The following PHF24 variants were observed in gnomAD, a reference collection of about 807,000 sequenced individuals.
The protein encoded by PHF24 is PHD finger protein 24.
A neutral mutation model predicts 42.6 loss-of-function variants in PHF24; 25 were observed. That is an observed-to-expected ratio of 0.59 (90% CI 0.43 to 0.82). The LOEUF is 0.82. Among genes scored for constraint, PHF24 ranks in the 40% least tolerant of loss-of-function variants. The pLI is 0.00. For synonymous variants in PHF24, 185 were observed against 204.8 expected (o/e 0.90, Z 0.83); for missense variants, 470 against 538.1 (o/e 0.87, Z 1.25).
At chr9:34,914,831 G>C in the PHF24 span, among the ~76,000 whole-genome samples, 1 of 151,608 alleles carries the variant, frequency 6.6e-6, no homozygotes, top group Admixed American at 6.6e-5. Context: ...TGTCACCTAG[G>C]CTGAAGTGCA....
At chr9:34,947,338 T>C in the PHF24 span, among the ~76,000 whole-genome samples, 1 of 152,226 alleles carries the variant, frequency 6.6e-6, no homozygotes, top group African/African-American at 2.4e-5. Context: ...AGTGACACTA[T>C]AGCCACTGTA....
chr9:34,976,633 G>T (rs1455114923), exon 5 of PHF24: 1 of 1,614,042 alleles, frequency 6.2e-7, no homozygotes, highest in African/African-American at 1.3e-5. Flanking sequence ...AGAAGAGCAG[G>T]CGGCCCGCCA....
chr9:34,935,592 T>TA, the PHF24 span, among the ~76,000 whole-genome samples: 1 of 11,822 alleles, frequency 8.5e-5, no homozygotes. Context: ...AGACTTCATC[T>TA]GAAAAAAAAA....
the PHF24 span, among the ~76,000 whole-genome samples, chr9:34,798,084 C>A: frequency 1.3e-5 from 2 of 152,048 alleles, no homozygotes; most frequent in Non-Finnish European, 2.9e-5. Context: ...TGGGGGAGAT[C>A]TTTGAGGTGA....
chr9:34,735,351 G>A, the PHF24 span, among the ~76,000 whole-genome samples: 1 of 150,796 alleles, frequency 6.6e-6, no homozygotes, highest in African/African-American at 2.4e-5. Flanking sequence ...TGGCCAGGCA[G>A]GTCTTGAACT....
the PHF24 span, among the ~76,000 whole-genome samples, chr9:34,940,661 G>A: frequency 6.6e-6 from 1 of 152,160 alleles, no homozygotes; most frequent in Non-Finnish European, 1.5e-5. Context: ...TGCCACCAAG[G>A]TGTGACCCAG....
chr9:34,763,417 C>T, the PHF24 span, among the ~76,000 whole-genome samples: 1 of 152,168 alleles, frequency 6.6e-6, no homozygotes. Flanking sequence ...CTTCACATCC[C>T]TTGTAAGTTA....
At chr9:34,865,732 T>A in the PHF24 span, among the ~76,000 whole-genome samples, 1 of 152,068 alleles carries the variant, frequency 6.6e-6, no homozygotes, top group African/African-American at 2.4e-5. Context: ...CAGCCCAGGG[T>A]CTGTGGTTTC....
chr9:34,814,561 A>G, the PHF24 span, among the ~76,000 whole-genome samples: 1 of 152,142 alleles, frequency 6.6e-6, no homozygotes, highest in African/African-American at 2.4e-5. Context: ...TGCCAGTCTC[A>G]TGGGACTTAG....
At chr9:34,847,805 C>T in the PHF24 span, among the ~76,000 whole-genome samples, 1 of 152,046 alleles carries the variant, frequency 6.6e-6, no homozygotes, top group African/African-American at 2.4e-5. Flanking sequence ...GAGTTTTTAG[C>T]ATGAAGCGTT....
chr9:34,772,727 C>T, the PHF24 span, among the ~76,000 whole-genome samples: 1 of 152,112 alleles, frequency 6.6e-6, no homozygotes, highest in Non-Finnish European at 1.5e-5. Context: ...TTTCTTACGA[C>T]TGGAGTGGGA....
At chr9:34,824,819 G>A in the PHF24 span, among the ~76,000 whole-genome samples, 1 of 152,180 alleles carries the variant, frequency 6.6e-6, no homozygotes, top group African/African-American at 2.4e-5. Flanking sequence ...AGCTAGGGAA[G>A]GTAGGCATTA....
the PHF24 span, among the ~76,000 whole-genome samples, chr9:34,807,120 T>C: frequency 4.6e-5 from 7 of 152,224 alleles, no homozygotes; most frequent in Non-Finnish European, 8.8e-5. Flanking sequence ...GTTTTATTCC[T>C]GATCTTAGGG....
At chr9:34,973,440 A>C (rs150027361) in intron 3 of PHF24, among the ~76,000 whole-genome samples, 41 of 152,354 alleles carry the variant, frequency 2.7e-4, no homozygotes, top group African/African-American at 9.6e-4. Context: ...ATGCCTTCTA[A>C]CTTTTAATGA....
At chr9:34,711,109 A>T in the PHF24 span, among the ~76,000 whole-genome samples, 3 of 152,128 alleles carry the variant, frequency 2.0e-5, no homozygotes, top group Admixed American at 6.5e-5. Flanking sequence ...CCTTCTTTAT[A>T]TTGTTATTGT....
At chr9:34,691,168 G>C in the PHF24 span, 1 of 1,609,394 alleles carries the variant, frequency 6.2e-7, no homozygotes, top group African/African-American at 1.3e-5. Flanking sequence ...GGCCAACGGT[G>C]AATGTGTGAG....
At chr9:34,923,134 T>C in the PHF24 span, among the ~76,000 whole-genome samples, 1 of 152,280 alleles carries the variant, frequency 6.6e-6, no homozygotes, top group East Asian at 1.9e-4. Flanking sequence ...ATATGATTTT[T>C]GTCCTTCATT....
At chr9:34,729,359 G>A in the PHF24 span, 12 of 1,551,588 alleles carry the variant, frequency 7.7e-6, no homozygotes, top group African/African-American at 1.4e-5. Context: ...TTACAATAAC[G>A]ATGAAGATGG....
the PHF24 span, among the ~76,000 whole-genome samples, chr9:34,927,389 C>T: frequency 9.2e-5 from 14 of 151,930 alleles, no homozygotes; most frequent in African/African-American, 3.1e-4. Context: ...AGAGTTTGCT[C>T]TTTTCTCAAG....
Sources: allele counts gnomAD v4.1 joint callset (sites outside exome capture counted in the v4.1 genomes callset), GRCh38; gene constraint gnomAD v4.1.1; transcripts MANE v1.5; gene names NCBI Gene and HGNC (gene_info 2026-07-23, HGNC 2026-07-21).